Variants in PRKG1 observed in about 807,000 individuals in gnomAD.
The protein encoded by PRKG1 is cGMP-dependent protein kinase 1.
In PRKG1, 35 loss-of-function variants were observed where a neutral mutation model predicts 88.1. The ratio of observed to expected loss-of-function variants is 0.40; its 90% CI spans 0.30 to 0.53. The LOEUF is 0.53. PRKG1 is among the 20% of genes least tolerant of loss of function. PRKG1 has a pLI of 0.59. For missense variants in PRKG1, 540 were observed against 839.8 expected (o/e 0.64, Z 4.41); for synonymous variants, 303 against 292.5 (o/e 1.04, Z -0.37).
intron 2 of PRKG1, among the ~76,000 whole-genome samples, chr10:51,399,034 C>T (rs143693013): frequency 6.6e-6 from 1 of 152,242 alleles, no homozygotes; most frequent in African/African-American, 2.4e-5. Flanking sequence ...AGCTTGCCAA[C>T]TGCTGTTCTT....
At chr10:51,037,476 C>G (rs1421748991) in intron 1 of PRKG1, among the ~76,000 whole-genome samples, 1 of 151,616 alleles carries the variant, frequency 6.6e-6, no homozygotes, top group African/African-American at 2.4e-5. Context: ...AAACAAAAAA[C>G]AAACAAACAA....
chr10:52,295,591 A>G lies in PRKG1; in HGVS notation c.*1691A>G, dbSNP rs1025168557. 1 of 151,932 alleles carries G rather than the reference A, an allele frequency of 6.6e-6. No individual in the cohort carries two copies. The highest frequency in any genetic ancestry group is 2.1e-4 in the South Asian group (1 of 4,822). The allele number at this position is 151,932 out of a possible 1,614,324, so 9.4% of individuals were successfully genotyped here. On this transcript the variant is annotated 3_prime_UTR_variant, in exon 18 of 18. Coordinates refer to ENST00000373980, the MANE Select transcript of PRKG1 (RefSeq NM_006258.4). ...AAAATATAGAAGCTTTCAAGCTGTC[A>G]TTCTGTTTTGGCCCTGTGTGAATTT... is the stretch of plus-strand genomic sequence containing the variant.
At chr10:52,229,761 T>C (rs1414655795) in intron 9 of PRKG1, among the ~76,000 whole-genome samples, 1 of 152,192 alleles carries the variant, frequency 6.6e-6, no homozygotes, top group African/African-American at 2.4e-5. Context: ...TGAAGCAGCA[T>C]GAGGACTTTA....
intron 9 of PRKG1, among the ~76,000 whole-genome samples, chr10:52,246,579 TAA>T (rs1262085518): frequency 1.3e-5 from 2 of 152,064 alleles, no homozygotes; most frequent in African/African-American, 4.8e-5. Flanking sequence ...TTTCATTATT[TAA>T]AGAGTCCCCT....
At chr10:51,386,890 A>G (rs958209196) in intron 2 of PRKG1, among the ~76,000 whole-genome samples, 15 of 152,220 alleles carry the variant, frequency 9.9e-5, no homozygotes, top group African/African-American at 3.6e-4. Context: ...TTCATTGCTT[A>G]TCAATTCACC....
At chr10:51,430,120 A>T (rs1454407711) in intron 2 of PRKG1, among the ~76,000 whole-genome samples, 1 of 55,958 alleles carries the variant, frequency 1.8e-5, no homozygotes, top group Non-Finnish European at 3.4e-5. Context: ...GGCTACAATT[A>T]AAAAAAAAAA....
In PRKG1 at chr10:52,112,485, C is replaced by T. The variant is rs144917535; in HGVS notation, c.936-21355C>T. Among the ~76,000 whole-genome samples the T allele has an allele frequency of 3.2e-3, 491 of 152,234 alleles. 2 individuals are homozygous for T. The highest frequency in any genetic ancestry group is 0.012 in the African/African-American group (478 of 41,546). On this transcript the variant is annotated intron_variant, in intron 7 of 17. Coordinates refer to ENST00000373980, the MANE Select transcript of PRKG1 (RefSeq NM_006258.4). ...TGAGGTATTTCATGGACCCAAGGTT[C>T]ATAAGATATCTTGAAACTCTCAAAA...
chr10:52,105,397 C>T (rs1405045035), intron 7 of PRKG1, among the ~76,000 whole-genome samples: 1 of 152,134 alleles, frequency 6.6e-6, no homozygotes, highest in Non-Finnish European at 1.5e-5. Flanking sequence ...GATTTTGAAA[C>T]TTACCCTGTG....
chr10:52,166,762 C>T (rs1014672314), intron 9 of PRKG1, among the ~76,000 whole-genome samples: 16 of 116,606 alleles, frequency 1.4e-4, no homozygotes, highest in African/African-American at 4.2e-4. Flanking sequence ...ACAGGCAAAA[C>T]AGCTATTTCT....
intron 2 of PRKG1, among the ~76,000 whole-genome samples, chr10:51,236,652 G>A (rs1034593536): frequency 1.3e-5 from 2 of 151,844 alleles, no homozygotes; most frequent in Non-Finnish European, 2.9e-5. Context: ...ACAGGTGTGC[G>A]CCACCATGCC....
At position 50,994,401 on chromosome 10, in the gene PRKG1, A is replaced by ATTT. The variant is rs562018970; in HGVS notation, c.266+2781_266+2783dup. 1.8e-3 allele frequency among the ~76,000 whole-genome samples: 162 copies of ATTT among 87,684 alleles called. 12 individuals are homozygous for ATTT. Among genetic ancestry groups the ATTT allele is most frequent in the South Asian group, 8.1e-3 (18 of 2,218 alleles). The allele number at this position is 87,684 out of a possible 152,430, so 57.5% of individuals were successfully genotyped here. On this transcript the variant is annotated intron_variant, in intron 1 of 17. Transcript: ENST00000401604. Reference sequence around the variant, plus strand: ...TAGATATTCCATCACCTCACCTGTAATTTTTTTTTTTTTTTTTTTTTTTTT... The same window carrying ATTT: ...TAGATATTCCATCACCTCACCTGTAATTTTTTTTTTTTTTTTTTTTTTTTTTTT...
intron 9 of PRKG1, among the ~76,000 whole-genome samples, chr10:52,215,380 G>A (rs1482088554): frequency 3.6e-5 from 5 of 140,258 alleles, no homozygotes; most frequent in Middle Eastern, 4.0e-3. Context: ...GGCGACAAGA[G>A]CAAAACTCCA....
rs536386905 is a variant in PRKG1 at position 51,549,457 on chromosome 10, C to A, written c.592+81621C>A. 9.9e-5 allele frequency among the ~76,000 whole-genome samples: 15 copies of A among 152,088 alleles called. No homozygotes were observed. In the South Asian group the frequency reaches 2.9e-3, roughly 29 times the overall value. On this transcript the variant is annotated intron_variant, in intron 3 of 17. Coordinates refer to ENST00000373980, the MANE Select transcript of PRKG1 (RefSeq NM_006258.4). ...TATTCACTCAATGTGTCTACAATGG[C>A]ATCTCTTGTTTTACAATAATGACTT...
chr10:52,004,159 T>C (rs1417188165), intron 5 of PRKG1, among the ~76,000 whole-genome samples: 2 of 152,230 alleles, frequency 1.3e-5, no homozygotes, highest in Non-Finnish European at 2.9e-5. Flanking sequence ...TAGATGTTTC[T>C]ATTCAAAATG....
chr10:51,344,328 T>A (rs1351998628), intron 2 of PRKG1, among the ~76,000 whole-genome samples: 1 of 152,062 alleles, frequency 6.6e-6, no homozygotes, highest in African/African-American at 2.4e-5. Context: ...AAGGACAGCA[T>A]CAAGAGGATC....
intron 5 of PRKG1, among the ~76,000 whole-genome samples, chr10:51,954,009 T>C (rs1843245596): frequency 6.6e-6 from 1 of 152,164 alleles, no homozygotes; most frequent in South Asian, 2.1e-4. Context: ...CTCTCCTAAT[T>C]ATTAAAGATT....
intron 9 of PRKG1, among the ~76,000 whole-genome samples, chr10:52,194,092 CATG>C (rs1839445178): frequency 1.3e-5 from 2 of 151,816 alleles, no homozygotes; most frequent in South Asian, 4.2e-4. Context: ...TTTTATTTTA[CATG>C]ATAACAGAAA....
At chr10:51,820,776 C>T (rs1839723282) in intron 4 of PRKG1, among the ~76,000 whole-genome samples, 1 of 152,144 alleles carries the variant, frequency 6.6e-6, no homozygotes, top group African/African-American at 2.4e-5. Context: ...AAAGAAGATT[C>T]TCATAGATCT....
At chr10:51,831,047 T>C (rs1451948321) in intron 4 of PRKG1, among the ~76,000 whole-genome samples, 1 of 152,136 alleles carries the variant, frequency 6.6e-6, no homozygotes, top group Admixed American at 6.5e-5. Flanking sequence ...ATGAGACTAA[T>C]GTATGTTTTC....
Sources: allele counts gnomAD v4.1 joint callset (sites outside exome capture counted in the v4.1 genomes callset), GRCh38; gene constraint gnomAD v4.1.1; transcripts MANE v1.5; gene names NCBI Gene and HGNC (gene_info 2026-07-23, HGNC 2026-07-21).